Variants in DPP6 observed in about 807,000 individuals in gnomAD.
The protein encoded by DPP6 is dipeptidyl peptidase like 6.
In DPP6, 69 loss-of-function variants were observed where a neutral mutation model predicts 122.6. That is an observed-to-expected ratio of 0.56 (90% CI 0.46 to 0.69). The LOEUF (loss-of-function observed/expected upper bound fraction) is 0.69. Among genes scored for constraint, DPP6 ranks in the 30% least tolerant of loss-of-function variants. The pLI, the probability that DPP6 is intolerant of heterozygous loss-of-function variation, is 0.00. For missense variants in DPP6, 928 were observed against 1,116.9 expected, an observed-to-expected ratio of 0.83 and a Z score of 2.41; for synonymous variants, 418 against 433.1, an observed-to-expected ratio of 0.97 and a Z score of 0.43.
intron 8 of DPP6, among the ~76,000 whole-genome samples, chr7:154,745,286 G>A (rs771204522): frequency 1.3e-5 from 2 of 152,166 alleles, no homozygotes; most frequent in East Asian, 1.9e-4. Flanking sequence ...TCAAGGCTCC[G>A]CACGTCCCAG....
At chr7:154,361,748 C>T (rs976597319) in intron 1 of DPP6, among the ~76,000 whole-genome samples, 1 of 152,232 alleles carries the variant, frequency 6.6e-6, no homozygotes, top group African/African-American at 2.4e-5. Flanking sequence ...TTGGTAAGCC[C>T]TCGGGCATAC....
At chr7:154,692,607 G>A (rs1839993353) in intron 7 of DPP6, among the ~76,000 whole-genome samples, 1 of 152,146 alleles carries the variant, frequency 6.6e-6, no homozygotes, top group South Asian at 2.1e-4. Context: ...ATCCTCTAGA[G>A]CCTTGAGAAT....
chr7:153,855,333 T>G, the DPP6 span, among the ~76,000 whole-genome samples: 22 of 152,178 alleles, frequency 1.4e-4, 1 homozygote, highest in Non-Finnish European at 7.4e-5. Context: ...CCATATGGAT[T>G]TTAGGATCCA....
At chr7:154,714,771 G>T (rs1841386568) in intron 7 of DPP6, among the ~76,000 whole-genome samples, 1 of 152,200 alleles carries the variant, frequency 6.6e-6, no homozygotes, top group Admixed American at 6.5e-5. Flanking sequence ...ATAACCTTGA[G>T]TGTATAAGCC....
intron 1 of DPP6, among the ~76,000 whole-genome samples, chr7:154,206,331 T>A (rs1170156841): frequency 6.6e-6 from 1 of 152,192 alleles, no homozygotes; most frequent in Non-Finnish European, 1.5e-5. Flanking sequence ...CTCTGGCATC[T>A]CTAAGCCTGT....
intron 2 of DPP6, among the ~76,000 whole-genome samples, chr7:154,474,712 G>T (rs1490748267): frequency 6.7e-6 from 1 of 150,280 alleles, no homozygotes; most frequent in Non-Finnish European, 1.5e-5. Flanking sequence ...CTGCAGGTGT[G>T]GGTGAGAAGG....
chr7:154,845,836 A>G (rs1801899199), intron 16 of DPP6, among the ~76,000 whole-genome samples: 1 of 152,260 alleles, frequency 6.6e-6, no homozygotes, highest in Admixed American at 6.5e-5. Context: ...CTTTCAGTGT[A>G]GACCGTATTA....
intron 1 of DPP6, among the ~76,000 whole-genome samples, chr7:154,443,930 C>T (rs754549534): frequency 2.6e-5 from 4 of 152,028 alleles, no homozygotes; most frequent in East Asian, 1.9e-4. Flanking sequence ...CTCAGTGTGC[C>T]GGGGGACAAC....
chr7:153,761,532 C>T, the DPP6 span, among the ~76,000 whole-genome samples: 1 of 152,106 alleles, frequency 6.6e-6, no homozygotes, highest in South Asian at 2.1e-4. Flanking sequence ...ATGAATGTCA[C>T]CTTATTTCAT....
At chr7:154,557,346 GA>G (rs1830119273) in intron 4 of DPP6, among the ~76,000 whole-genome samples, 1 of 152,164 alleles carries the variant, frequency 6.6e-6, no homozygotes, top group South Asian at 2.1e-4. Flanking sequence ...CTCCATCAAG[GA>G]ATGTGACCCG....
At chr7:154,885,807 C>T (rs370556881) in intron 22 of DPP6, 63 bp downstream of exon 22, 14 of 1,535,708 alleles carry the variant, frequency 9.1e-6, no homozygotes, top group African/African-American at 5.5e-5. Flanking sequence ...CCCCTGCCTG[C>T]GTGGCCCCAC....
At chr7:154,132,836 G>A (rs1398562638) in intron 1 of DPP6, among the ~76,000 whole-genome samples, 3 of 152,048 alleles carry the variant, frequency 2.0e-5, no homozygotes, top group Non-Finnish European at 2.9e-5. Flanking sequence ...TATACAGCAC[G>A]TTGTTGTGTC....
chr7:153,763,690 C>T, the DPP6 span, among the ~76,000 whole-genome samples: 1 of 152,056 alleles, frequency 6.6e-6, no homozygotes, highest in African/African-American at 2.4e-5. Context: ...TGGATTTGGG[C>T]GTTTTGTGGC....
chr7:154,646,234 C>T (rs777787729), intron 6 of DPP6, among the ~76,000 whole-genome samples: 1 of 152,080 alleles, frequency 6.6e-6, no homozygotes, highest in African/African-American at 2.4e-5. Flanking sequence ...TAAAACCATG[C>T]CCAGGCTCTT....
chr7:154,773,248 C>A (rs368658888), intron 10 of DPP6, among the ~76,000 whole-genome samples: 1 of 152,260 alleles, frequency 6.6e-6, no homozygotes, highest in Non-Finnish European at 1.5e-5. Flanking sequence ...GGAAATGATG[C>A]GGTCTTCCCA....
At chr7:153,816,987 G>C in the DPP6 span, among the ~76,000 whole-genome samples, 2 of 151,616 alleles carry the variant, frequency 1.3e-5, no homozygotes, top group South Asian at 4.2e-4. Context: ...AATTCAGGAT[G>C]CATGGCTTAC....
intron 3 of DPP6, among the ~76,000 whole-genome samples, chr7:154,489,913 T>A (rs1824127773): frequency 6.6e-6 from 1 of 152,196 alleles, no homozygotes; most frequent in Middle Eastern, 3.2e-3. Context: ...TTCTACCCTT[T>A]GCGAGGCAAG....
chr7:154,801,235 C>A, intron 12 of DPP6, 120 bp from the exon 13 acceptor site: 2 of 1,381,016 alleles, frequency 1.4e-6, no homozygotes, highest in Non-Finnish European at 2.0e-6. Flanking sequence ...ATTATTTCAA[C>A]TGTTCCTCTC....
chr7:153,873,109 G>T, the DPP6 span, among the ~76,000 whole-genome samples: 5 of 152,206 alleles, frequency 3.3e-5, no homozygotes, highest in African/African-American at 7.2e-5. Context: ...AGGGAAGCTG[G>T]TGTGTGGCAA....
Sources: gnomAD v4.1 joint callset for allele counts (sites outside exome capture counted in the v4.1 genomes callset) on GRCh38, gnomAD v4.1.1 for gene constraint, MANE v1.5 for transcripts, NCBI Gene and HGNC (gene_info 2026-07-23, HGNC 2026-07-21) for gene names.